Variants in USP48 observed in about 807,000 individuals in gnomAD.
The protein encoded by USP48 is ubiquitin specific peptidase 48.
USP48 carries 43 observed loss-of-function variants against 150.7 expected under a neutral mutation model. That is an observed-to-expected ratio of 0.29 (90% CI 0.22 to 0.37). The LOEUF (loss-of-function observed/expected upper bound fraction) is 0.37, where lower values mean the gene tolerates loss of function less well. Ranked by LOEUF, USP48 falls within the 10% of genes least tolerant of loss-of-function variation. The pLI, the probability that USP48 is intolerant of heterozygous loss-of-function variation, is 1.00. For missense variants in USP48, 813 were observed against 1,249.6 expected (o/e 0.65, Z 5.27); for synonymous variants, 396 against 425.9 (o/e 0.93, Z 0.86).
chr1:21,743,965 G>T (rs1306283997), intron 8 of USP48, among the ~76,000 whole-genome samples: 2 of 152,140 alleles, frequency 1.3e-5, no homozygotes, highest in African/African-American at 4.8e-5. Context: ...GTTGCTACTG[G>T]GTCAGCTGGA....
chr1:21,743,056 A>G (rs1480878635), intron 8 of USP48, among the ~76,000 whole-genome samples: 2 of 152,208 alleles, frequency 1.3e-5, no homozygotes, highest in Non-Finnish European at 2.9e-5. Flanking sequence ...ACATTTATGA[A>G]CAAATACTGA....
intron 23 of USP48, among the ~76,000 whole-genome samples, chr1:21,690,848 C>T (rs554671821): frequency 6.6e-6 from 1 of 152,222 alleles, no homozygotes; most frequent in East Asian, 1.9e-4. Flanking sequence ...TTCTTAAAAC[C>T]ATCTTTAAAT....
At chr1:21,727,749 A>C in intron 11 of USP48, 1 of 429,048 alleles carries the variant, frequency 2.3e-6, no homozygotes. Context: ...AAATTTAGTT[A>C]AAATATATTC....
intron 1 of USP48, among the ~76,000 whole-genome samples, chr1:21,767,474 G>A (rs533063989): frequency 6.6e-6 from 1 of 151,978 alleles, no homozygotes; most frequent in Non-Finnish European, 1.5e-5. Flanking sequence ...CCAGGTGTGC[G>A]TCACCATGCC....
intron 5 of USP48, 33 bp from the exon 6 acceptor site, chr1:21,751,648 A>T: frequency 6.5e-7 from 1 of 1,549,872 alleles, no homozygotes; most frequent in Non-Finnish European, 8.9e-7. Context: ...AATTCAGATC[A>T]GAGTGTGAAA....
chr1:21,758,167 A>G (rs1180166494), intron 1 of USP48, among the ~76,000 whole-genome samples: 1 of 148,418 alleles, frequency 6.7e-6, no homozygotes, highest in Non-Finnish European at 1.5e-5. Flanking sequence ...TATATGGCAG[A>G]GTACTATGCA....
At chr1:21,776,924 GC>G (rs2097900846) in intron 1 of USP48, among the ~76,000 whole-genome samples, 1 of 151,170 alleles carries the variant, frequency 6.6e-6, no homozygotes, top group Admixed American at 6.6e-5. Flanking sequence ...TCCAGCCTGG[GC>G]AACAAGAGTG....
At chr1:21,745,049 A>G (rs938722843) in intron 8 of USP48, among the ~76,000 whole-genome samples, 1 of 152,112 alleles carries the variant, frequency 6.6e-6, no homozygotes, top group African/African-American at 2.4e-5. Context: ...ATAAATACTA[A>G]TTATCTGGAT....
At chr1:21,703,962 A>C (rs562134774) in intron 20 of USP48, among the ~76,000 whole-genome samples, 1 of 152,304 alleles carries the variant, frequency 6.6e-6, no homozygotes, top group South Asian at 2.1e-4. Flanking sequence ...GCCTTAAGCA[A>C]TCCTTCCACC....
chr1:21,686,177 CTTAT>C (rs946124731), intron 25 of USP48: 11 of 152,140 alleles, frequency 7.2e-5, no homozygotes, highest in Non-Finnish European at 1.5e-4. Flanking sequence ...ATGCTTTTTA[CTTAT>C]TTATCTTGCC....
intron 1 of USP48, among the ~76,000 whole-genome samples, chr1:21,777,691 G>A (rs1181354148): frequency 1.3e-5 from 2 of 152,004 alleles, no homozygotes; most frequent in Non-Finnish European, 2.9e-5. Flanking sequence ...AGAAGGCGGA[G>A]AAGAAGAAGA....
chr1:21,715,288 C>A, intron 15 of USP48, 101 bp downstream of exon 15: 1 of 828,422 alleles, frequency 1.2e-6, no homozygotes, highest in South Asian at 1.9e-5. Flanking sequence ...AAAATTTTTC[C>A]CAGGTAAGAT....
chr1:21,766,985 AC>A (rs2152631279), intron 1 of USP48, among the ~76,000 whole-genome samples: 1 of 152,250 alleles, frequency 6.6e-6, no homozygotes, highest in East Asian at 1.9e-4. Flanking sequence ...AATCGCCTGC[AC>A]CCAGGAGGCG....
chr1:21,726,878 C>G (rs912402069), intron 11 of USP48, among the ~76,000 whole-genome samples: 2 of 151,960 alleles, frequency 1.3e-5, no homozygotes, highest in Non-Finnish European at 2.9e-5. Context: ...CTATATGAAA[C>G]CTCAGCATTT....
intron 9 of USP48, 116 bp from the exon 10 acceptor site, chr1:21,729,948 T>C: frequency 8.1e-7 from 1 of 1,241,070 alleles, no homozygotes; most frequent in South Asian, 1.8e-5. Flanking sequence ...TTAACACCAA[T>C]CTAAAACATT....
intron 23 of USP48, among the ~76,000 whole-genome samples, chr1:21,694,599 A>AAAAAAAAAAAAAC (rs2097618786): frequency 9.7e-6 from 1 of 103,314 alleles, no homozygotes; most frequent in African/African-American, 3.4e-5. Flanking sequence ...AAAAAAAAAA[A>AAAAAAAAAAAAAC]AAAAAAAACC....
intron 6 of USP48, among the ~76,000 whole-genome samples, chr1:21,748,988 C>G (rs1042048542): frequency 6.6e-6 from 1 of 152,156 alleles, no homozygotes; most frequent in Non-Finnish European, 1.5e-5. Context: ...AAATTATATA[C>G]ATATTTGTTT....
chr1:21,718,588 G>A (rs1015713461), intron 14 of USP48, among the ~76,000 whole-genome samples: 8 of 148,928 alleles, frequency 5.4e-5, no homozygotes, highest in African/African-American at 7.5e-5. Context: ...AGACGGTGTC[G>A]TGCTCTGTCG....
At chr1:21,704,812 A>G (rs1409398849) in intron 19 of USP48, among the ~76,000 whole-genome samples, 1 of 152,130 alleles carries the variant, frequency 6.6e-6, no homozygotes, top group African/African-American at 2.4e-5. Context: ...GGAGAAAGAG[A>G]AGTAGCAACA....
Sources: gnomAD v4.1 joint callset for allele counts (sites outside exome capture counted in the v4.1 genomes callset) on GRCh38, gnomAD v4.1.1 for gene constraint, MANE v1.5 for transcripts, NCBI Gene and HGNC (gene_info 2026-07-23, HGNC 2026-07-21) for gene names.